JARID2: variants seen among roughly 807,000 people sequenced by gnomAD.
The protein encoded by JARID2 is jumonji and AT-rich interaction domain containing 2, also known as protein Jumonji.
Under a neutral mutation model 125.6 loss-of-function variants are expected in JARID2, and 21 were observed. The observed-to-expected ratio is 0.17, with a 90% CI of 0.12 to 0.24. JARID2 has a LOEUF of 0.24. JARID2 is among the 10% of genes least tolerant of loss of function. JARID2 has a pLI of 1.00. For missense variants in JARID2, 1,303 were observed against 1,639.6 expected (o/e 0.79, Z 3.55); for synonymous variants, 736 against 661.6 (o/e 1.11, Z -1.73).
At chr6:15,388,374 C>A (rs1333945411) in intron 2 of JARID2, among the ~76,000 whole-genome samples, 8 of 151,872 alleles carry the variant, frequency 5.3e-5, no homozygotes, top group Non-Finnish European at 1.2e-4. Flanking sequence ...TTCATAAATC[C>A]CTTAATTTAC....
chr6:15,502,810 TG>T (rs1217810398), intron 8 of JARID2, among the ~76,000 whole-genome samples: 1 of 152,114 alleles, frequency 6.6e-6, no homozygotes, highest in Non-Finnish European at 1.5e-5. Context: ...GGCTGCCTGG[TG>T]GGGATGCGGT....
intron 1 of JARID2, among the ~76,000 whole-genome samples, chr6:15,358,188 AT>A (rs1230527361): frequency 3.3e-5 from 5 of 152,184 alleles, no homozygotes; most frequent in African/African-American, 4.8e-5. Flanking sequence ...GCTTTAAAAA[AT>A]TTTTTGTTTG....
At chr6:15,330,962 A>G (rs1032163397) in intron 1 of JARID2, among the ~76,000 whole-genome samples, 3 of 152,162 alleles carry the variant, frequency 2.0e-5, no homozygotes, top group South Asian at 4.1e-4. Flanking sequence ...GTTCCCTAAG[A>G]TAGTCCTTAA....
chr6:15,302,022 C>T (rs1037596606), intron 1 of JARID2, among the ~76,000 whole-genome samples: 6 of 152,128 alleles, frequency 3.9e-5, no homozygotes, highest in African/African-American at 1.2e-4. Context: ...AGGAGGGAAA[C>T]GTGATACCTT....
At chr6:15,343,115 G>T (rs907681321) in intron 1 of JARID2, among the ~76,000 whole-genome samples, 1 of 151,638 alleles carries the variant, frequency 6.6e-6, no homozygotes, top group Non-Finnish European at 1.5e-5. Flanking sequence ...TGTAATCGCA[G>T]CTACTTGGGA....
In JARID2 at chr6:15,286,384, T is replaced by C. The variant is rs531801228; in HGVS notation, c.45+39800T>C. Among the ~76,000 whole-genome samples the C allele has an allele frequency of 9.2e-5, 14 of 151,640 alleles. No homozygotes were observed. In the East Asian group the frequency reaches 2.8e-3, roughly 30 times the overall value. On this transcript the variant is annotated intron_variant, in intron 1 of 17. Transcript: ENST00000341776. ...TCTCTGCCTCAGCCGCCCGAGTAGC[T>C]GGGATTACAGGTGCCCACCACCACA...
intron 2 of JARID2, among the ~76,000 whole-genome samples, chr6:15,394,507 G>C (rs1765145578): frequency 6.6e-6 from 1 of 152,194 alleles, no homozygotes; most frequent in South Asian, 2.1e-4. Flanking sequence ...GTTGAGGTGG[G>C]AGGATTGGTT....
chr6:15,347,324 G>A (rs536514894), intron 1 of JARID2, among the ~76,000 whole-genome samples: 4 of 152,308 alleles, frequency 2.6e-5, no homozygotes, highest in Admixed American at 6.5e-5. Flanking sequence ...AGGACTTAAC[G>A]AGAATGTGTG....
At chr6:15,428,525 G>T (rs566486135) in intron 3 of JARID2, among the ~76,000 whole-genome samples, 6 of 152,142 alleles carry the variant, frequency 3.9e-5, no homozygotes, top group South Asian at 4.2e-4. Context: ...GCCATATTTG[G>T]TTTTTTGTCC....
intron 3 of JARID2, among the ~76,000 whole-genome samples, chr6:15,450,818 A>T (rs1767888698): frequency 6.6e-6 from 1 of 152,162 alleles, no homozygotes; most frequent in South Asian, 2.1e-4. Flanking sequence ...ATTGGTGGAG[A>T]GAAAGGGAAA....
At chr6:15,353,533 T>C (rs1055363216) in intron 1 of JARID2, among the ~76,000 whole-genome samples, 1 of 152,212 alleles carries the variant, frequency 6.6e-6, no homozygotes. Flanking sequence ...CAGCAAAATT[T>C]TATTCCAAAA....
intron 6 of JARID2, among the ~76,000 whole-genome samples, chr6:15,491,618 G>GCA (rs1770155042): frequency 6.6e-6 from 1 of 152,226 alleles, no homozygotes; most frequent in Non-Finnish European, 1.5e-5. Context: ...TTGAACTGAG[G>GCA]ACAGCGTCAT....
At chr6:15,300,685 G>T (rs1020821678) in intron 1 of JARID2, among the ~76,000 whole-genome samples, 1 of 104,818 alleles carries the variant, frequency 9.5e-6, no homozygotes, top group African/African-American at 3.4e-5. Context: ...TCCTCATGTT[G>T]TGTGTGTGTG....
chr6:15,253,978 T>C (rs1759555887), intron 1 of JARID2, among the ~76,000 whole-genome samples: 2 of 152,076 alleles, frequency 1.3e-5, no homozygotes, highest in East Asian at 1.9e-4. Context: ...GAACGATCAG[T>C]GGAGCCCCAA....
chr6:15,287,858 A>G (rs1237999232), intron 1 of JARID2, among the ~76,000 whole-genome samples: 1 of 152,144 alleles, frequency 6.6e-6, no homozygotes, highest in Non-Finnish European at 1.5e-5. Context: ...AGCATTGTAT[A>G]ATACCCACTT....
chr6:15,465,434 G>A (rs931813225), intron 4 of JARID2, among the ~76,000 whole-genome samples: 1 of 152,048 alleles, frequency 6.6e-6, no homozygotes. Flanking sequence ...CTGGGCGACA[G>A]AGTGATTTCT....
chr6:15,512,411 C>T (rs771724481), intron 14 of JARID2, 21 bp downstream of exon 14: 112 of 1,609,566 alleles, frequency 7.0e-5, no homozygotes, highest in Non-Finnish European at 9.0e-5. Flanking sequence ...CCGGCCTCCT[C>T]CCGCTTGCTG....
chr6:15,301,231 C>G (rs1012489928), intron 1 of JARID2, among the ~76,000 whole-genome samples: 1 of 152,174 alleles, frequency 6.6e-6, no homozygotes, highest in Non-Finnish European at 1.5e-5. Flanking sequence ...CAAATGGGAA[C>G]TTGAGCTCTT....
At chr6:15,393,000 G>T (rs1581496765) in intron 2 of JARID2, among the ~76,000 whole-genome samples, 2 of 152,162 alleles carry the variant, frequency 1.3e-5, no homozygotes, top group East Asian at 3.9e-4. Flanking sequence ...ACTGAATTTT[G>T]TGTTTGATTT....
Sources: gnomAD v4.1 joint callset for allele counts (sites outside exome capture counted in the v4.1 genomes callset) on GRCh38, gnomAD v4.1.1 for gene constraint, MANE v1.5 for transcripts, NCBI Gene and HGNC (gene_info 2026-07-23, HGNC 2026-07-21) for gene names.